HEMK2: variants seen among roughly 807,000 people sequenced by gnomAD.
The protein encoded by HEMK2 is methyltransferase HEMK2.
the HEMK2 span, among the ~76,000 whole-genome samples, chr21:28,845,945 T>A: frequency 2.0e-5 from 3 of 152,140 alleles, no homozygotes; most frequent in African/African-American, 7.2e-5. Context: ...CAAACCCTCG[T>A]CCCACCCTCT....
the HEMK2 span, among the ~76,000 whole-genome samples, chr21:28,767,667 C>G: frequency 6.6e-6 from 1 of 151,994 alleles, no homozygotes; most frequent in East Asian, 1.9e-4. Flanking sequence ...CACACAGAGC[C>G]GAGAGGAGCA....
the HEMK2 span, chr21:28,879,976 A>T: frequency 6.8e-7 from 1 of 1,467,358 alleles, no homozygotes; most frequent in Non-Finnish European, 9.3e-7. Flanking sequence ...AACAACAGTA[A>T]GAATTTTACA....
chr21:28,877,395 A>G, the HEMK2 span, among the ~76,000 whole-genome samples: 1 of 79,870 alleles, frequency 1.3e-5, no homozygotes, highest in African/African-American at 4.7e-5. Flanking sequence ...GAAGGAAGGA[A>G]GGGAAGAAAA....
chr21:28,843,793 T>C, the HEMK2 span, among the ~76,000 whole-genome samples: 3 of 152,182 alleles, frequency 2.0e-5, no homozygotes, highest in Non-Finnish European at 4.4e-5. Context: ...AACAGTATTT[T>C]ACATGCCATT....
At chr21:28,716,526 C>T in the HEMK2 span, among the ~76,000 whole-genome samples, 11 of 152,106 alleles carry the variant, frequency 7.2e-5, no homozygotes, top group Admixed American at 1.3e-4. Flanking sequence ...GTTCTAGAAG[C>T]CTCTTGGCAG....
At chr21:28,794,500 CAAT>C in the HEMK2 span, among the ~76,000 whole-genome samples, 2 of 152,162 alleles carry the variant, frequency 1.3e-5, no homozygotes, top group African/African-American at 2.4e-5. Flanking sequence ...CTAAAAACAA[CAAT>C]GTCAATACAA....
At chr21:28,738,105 A>C in the HEMK2 span, among the ~76,000 whole-genome samples, 342 of 152,330 alleles carry the variant, frequency 2.2e-3, 2 homozygotes, top group African/African-American at 7.7e-3. Flanking sequence ...ATTTGCCGAC[A>C]CATGAGGGCC....
chr21:28,716,044 C>G, the HEMK2 span, among the ~76,000 whole-genome samples: 1 of 152,142 alleles, frequency 6.6e-6, no homozygotes, highest in Non-Finnish European at 1.5e-5. Flanking sequence ...GTTACCATAG[C>G]CTTACAGTTT....
chr21:28,645,823 T>TAG, the HEMK2 span, among the ~76,000 whole-genome samples: 1 of 152,156 alleles, frequency 6.6e-6, no homozygotes, highest in Admixed American at 6.5e-5. Flanking sequence ...AGGCCCTCAC[T>TAG]AGACACCAAA....
At chr21:28,856,745 CT>C in the HEMK2 span, among the ~76,000 whole-genome samples, 1 of 152,192 alleles carries the variant, frequency 6.6e-6, no homozygotes, top group Non-Finnish European at 1.5e-5. Flanking sequence ...TTGTGCAACC[CT>C]GCCAAGGAAA....
At chr21:28,640,789 C>T in the HEMK2 span, among the ~76,000 whole-genome samples, 1 of 152,188 alleles carries the variant, frequency 6.6e-6, no homozygotes, top group Admixed American at 6.5e-5. Context: ...CTGCCATCCT[C>T]CAACACCCTG....
At chr21:28,804,163 T>C in the HEMK2 span, among the ~76,000 whole-genome samples, 1 of 152,238 alleles carries the variant, frequency 6.6e-6, no homozygotes, top group African/African-American at 2.4e-5. Context: ...CTCCAAAAGA[T>C]AAAGGCTATC....
At chr21:28,705,277 C>G in the HEMK2 span, among the ~76,000 whole-genome samples, 16 of 152,152 alleles carry the variant, frequency 1.1e-4, 1 homozygote, top group South Asian at 1.7e-3. Flanking sequence ...CTTTAAATAA[C>G]TACAATGAAG....
At chr21:28,621,548 G>A in the HEMK2 span, among the ~76,000 whole-genome samples, 5 of 152,320 alleles carry the variant, frequency 3.3e-5, no homozygotes, top group African/African-American at 7.2e-5. Context: ...CTGGGTGCAG[G>A]CGGGCTGAGT....
At chr21:28,762,527 C>T in the HEMK2 span, among the ~76,000 whole-genome samples, 1 of 152,068 alleles carries the variant, frequency 6.6e-6, no homozygotes, top group South Asian at 2.1e-4. Context: ...AGAGTATGTA[C>T]TTTGACTAAT....
chr21:28,879,891 A>G, the HEMK2 span: 9 of 1,599,552 alleles, frequency 5.6e-6, no homozygotes, highest in Non-Finnish European at 7.7e-6. Context: ...GAGTCACTAC[A>G]TAGGGGGGAT....
the HEMK2 span, among the ~76,000 whole-genome samples, chr21:28,784,563 A>G: frequency 1.3e-5 from 2 of 151,656 alleles, no homozygotes; most frequent in Non-Finnish European, 2.9e-5. Flanking sequence ...AAATGCACCA[A>G]TCAGCACCCT....
At chr21:28,721,879 T>C in the HEMK2 span, among the ~76,000 whole-genome samples, 2 of 149,354 alleles carry the variant, frequency 1.3e-5, no homozygotes, top group East Asian at 2.0e-4. Context: ...ACCTAATTAA[T>C]ATAGCTCACA....
the HEMK2 span, among the ~76,000 whole-genome samples, chr21:28,765,849 T>G: frequency 6.6e-6 from 1 of 152,078 alleles, no homozygotes. Flanking sequence ...TAAAGAGCCA[T>G]GATTTGCAAA....
Sources: gnomAD v4.1 joint callset for allele counts (sites outside exome capture counted in the v4.1 genomes callset) on GRCh38, gnomAD v4.1.1 for gene constraint, MANE v1.5 for transcripts, NCBI Gene and HGNC (gene_info 2026-07-23, HGNC 2026-07-21) for gene names.